Variants in FMN2 observed in about 807,000 individuals in gnomAD.
FMN2 encodes the protein formin-2.
A neutral mutation model predicts 142.3 loss-of-function variants in FMN2; 51 were observed. The observed-to-expected ratio is 0.36, with a 90% CI of 0.29 to 0.45. The LOEUF is 0.45. Among genes scored for constraint, FMN2 ranks in the 20% least tolerant of loss-of-function variants. The pLI is 1.00. For synonymous variants in FMN2, 882 were observed against 869.8 expected (o/e 1.01, Z -0.25); for missense variants, 1,936 against 2,122.8 (o/e 0.91, Z 1.73).
At chr1:240,168,298 G>T in intron 2 of FMN2, among the ~76,000 whole-genome samples, 1 of 151,812 alleles carries the variant, frequency 6.6e-6, no homozygotes, top group African/African-American at 2.4e-5. Flanking sequence ...AAAATAAATG[G>T]ACATCTCAGC....
chr1:240,211,034 T>A, intron 5 of FMN2, 57 bp from the exon 6 acceptor site: 2 of 1,527,256 alleles, frequency 1.3e-6, no homozygotes, highest in Non-Finnish European at 1.8e-6. Flanking sequence ...TATTTATGCT[T>A]GCTGTGATGT....
chr1:240,170,756 C>A, intron 2 of FMN2: 2 of 1,360,030 alleles, frequency 1.5e-6, no homozygotes, highest in Non-Finnish European at 2.1e-6. Context: ...TCTGTTTGGG[C>A]CGTCTTTGGC....
chr1:240,203,880 A>G (rs1294634424), intron 4 of FMN2, among the ~76,000 whole-genome samples: 1 of 152,234 alleles, frequency 6.6e-6, no homozygotes, highest in South Asian at 2.1e-4. Flanking sequence ...CTACATGGCA[A>G]TATAGTTTTT....
At chr1:240,338,040 C>CA (rs1413210880) in intron 13 of FMN2, among the ~76,000 whole-genome samples, 3 of 152,192 alleles carry the variant, frequency 2.0e-5, no homozygotes, top group Non-Finnish European at 4.4e-5. Flanking sequence ...GGAATTGTAG[C>CA]ATTTGCCACA....
chr1:240,189,086 A>C (rs1665599130), intron 4 of FMN2, among the ~76,000 whole-genome samples: 1 of 152,130 alleles, frequency 6.6e-6, no homozygotes, highest in African/African-American at 2.4e-5. Flanking sequence ...ACACAGAGCC[A>C]AACCATATCA....
intron 16 of FMN2, chr1:240,458,221 A>G (rs921170066): frequency 2.6e-5 from 4 of 152,194 alleles, no homozygotes; most frequent in Admixed American, 1.3e-4. Context: ...CCAGTAAAGG[A>G]AAAATTGTGA....
intron 13 of FMN2, among the ~76,000 whole-genome samples, chr1:240,340,143 T>TA: frequency 6.6e-6 from 1 of 152,308 alleles, no homozygotes; most frequent in Middle Eastern, 3.4e-3. Context: ...TCATTTTTCT[T>TA]AAAAACATTA....
intron 2 of FMN2, among the ~76,000 whole-genome samples, chr1:240,172,991 A>G (rs1268850443): frequency 1.3e-5 from 2 of 151,710 alleles, no homozygotes; most frequent in African/African-American, 2.4e-5. Flanking sequence ...GCTGGAGCAC[A>G]GTGGCCTGAT....
intron 1 of FMN2, among the ~76,000 whole-genome samples, chr1:240,122,161 C>T (rs1662304930): frequency 6.6e-6 from 1 of 152,030 alleles, no homozygotes; most frequent in South Asian, 2.1e-4. Context: ...GATCGCGGCT[C>T]ACTGCAACCT....
At chr1:240,189,418 G>A (rs913142017) in intron 4 of FMN2, among the ~76,000 whole-genome samples, 6 of 152,200 alleles carry the variant, frequency 3.9e-5, no homozygotes, top group South Asian at 2.1e-4. Context: ...TGATTAGTGT[G>A]ATGACAACAA....
chr1:240,454,748 G>A (rs992316715), intron 16 of FMN2, among the ~76,000 whole-genome samples: 4 of 152,106 alleles, frequency 2.6e-5, no homozygotes, highest in African/African-American at 9.7e-5. Context: ...TAGAGAAGGG[G>A]CTGGGAGCAT....
intron 4 of FMN2, among the ~76,000 whole-genome samples, chr1:240,198,477 A>G (rs748808426): frequency 1.1e-4 from 16 of 152,222 alleles, no homozygotes; most frequent in Non-Finnish European, 2.4e-4. Flanking sequence ...TGCCATGTCC[A>G]TTCCAGTTCA....
intron 8 of FMN2, among the ~76,000 whole-genome samples, chr1:240,327,005 G>T (rs531445519): frequency 6.6e-6 from 1 of 152,114 alleles, no homozygotes; most frequent in Non-Finnish European, 1.5e-5. Flanking sequence ...GCTTTACATG[G>T]TCTTATGATA....
chr1:240,282,738 A>G (rs1280101476), intron 7 of FMN2, among the ~76,000 whole-genome samples: 1 of 152,184 alleles, frequency 6.6e-6, no homozygotes, highest in African/African-American at 2.4e-5. Flanking sequence ...ATTTCCTTTC[A>G]TCTTATCATC....
intron 8 of FMN2, among the ~76,000 whole-genome samples, chr1:240,323,447 C>A (rs1283805179): frequency 6.6e-6 from 1 of 152,118 alleles, no homozygotes; most frequent in Non-Finnish European, 1.5e-5. Context: ...CTGCTCACCT[C>A]GGGCTCCCAA....
chr1:240,144,772 C>T, intron 2 of FMN2: 4 of 1,387,370 alleles, frequency 2.9e-6, no homozygotes, highest in Non-Finnish European at 4.1e-6. Context: ...AGGCCTCATG[C>T]TCTGCGTCGT....
At chr1:240,187,384 A>G (rs1404467073) in intron 3 of FMN2, among the ~76,000 whole-genome samples, 2 of 151,880 alleles carry the variant, frequency 1.3e-5, no homozygotes, top group African/African-American at 4.8e-5. Context: ...CGCGACAGTC[A>G]GGAGATATAA....
At chr1:240,335,726 T>C (rs934268429) in intron 13 of FMN2, among the ~76,000 whole-genome samples, 3 of 152,202 alleles carry the variant, frequency 2.0e-5, no homozygotes, top group Non-Finnish European at 4.4e-5. Flanking sequence ...CATTTTCTTA[T>C]GATAAATACA....
At chr1:240,471,395 T>A (rs551836789) in intron 16 of FMN2, among the ~76,000 whole-genome samples, 1 of 150,588 alleles carries the variant, frequency 6.6e-6, no homozygotes, top group African/African-American at 2.4e-5. Flanking sequence ...GGAGTCTCGC[T>A]CTGTCACCCA....
Sources: gnomAD v4.1 joint callset for allele counts (sites outside exome capture counted in the v4.1 genomes callset) on GRCh38, gnomAD v4.1.1 for gene constraint, MANE v1.5 for transcripts, NCBI Gene and HGNC (gene_info 2026-07-23, HGNC 2026-07-21) for gene names.